The following NSUN2 variants were observed in gnomAD, a reference collection of about 807,000 sequenced individuals.
NSUN2 encodes NOP2/Sun RNA methyltransferase 2, also known as RNA cytosine C(5)-methyltransferase NSUN2.
NSUN2 carries 63 observed loss-of-function variants against 92.7 expected under a neutral mutation model. That is an observed-to-expected ratio of 0.68 (90% CI 0.56 to 0.84). NSUN2 has a LOEUF of 0.84. NSUN2 is among the 40% of genes least tolerant of loss of function. The pLI, the probability that NSUN2 is intolerant of heterozygous loss-of-function variation, is 0.00. For synonymous variants in NSUN2, 356 were observed against 348.3 expected (o/e 1.02, Z -0.25); for missense variants, 989 against 964.9 (o/e 1.02, Z -0.33).
intron 18 of NSUN2, among the ~76,000 whole-genome samples, chr5:6,601,425 A>AG (rs1274100042): frequency 2.0e-5 from 3 of 151,828 alleles, no homozygotes; most frequent in Non-Finnish European, 4.4e-5. Flanking sequence ...GCAGGTCCCC[A>AG]GGGTGCTCAT....
chr5:6,610,690 A>C (rs1362360668), intron 11 of NSUN2, among the ~76,000 whole-genome samples: 2 of 152,046 alleles, frequency 1.3e-5, no homozygotes, highest in Admixed American at 6.5e-5. Flanking sequence ...TCTCAAAAAA[A>C]AAAAAAAAAA....
At position 6,604,823 on chromosome 5, in the gene NSUN2, T is replaced by A. The variant is rs376599661; in HGVS notation, c.1738-138A>T. On this transcript the variant is annotated intron_variant, in intron 15 of 18. Transcript: ENST00000264670. ...CAGAAACCCACCGAGAAACCCCGGT[T>A]AAGAACGAACTGATACTCACAACTT... 2.0e-4 allele frequency: 135 copies of A among 678,516 alleles called. No individual in the cohort carries two copies. The East Asian group carries it at 2.3e-3, about 12-fold the overall frequency. 42.0% of individuals were successfully genotyped at this position (678,516 alleles called of 1,614,324 possible). A position where few individuals can be genotyped will look rare whatever the true frequency, so the allele number is the denominator to read the frequency against.
intron 15 of NSUN2, chr5:6,604,943 G>T: frequency 1.7e-6 from 1 of 598,798 alleles, no homozygotes; most frequent in South Asian, 2.0e-5. Flanking sequence ...CAAATCCCAA[G>T]GGTCGGGGCA....
At chr5:6,609,276 T>G (rs1165894707) in intron 12 of NSUN2, among the ~76,000 whole-genome samples, 64 of 152,156 alleles carry the variant, frequency 4.2e-4, no homozygotes, top group Non-Finnish European at 4.4e-5. Flanking sequence ...GGACTGCGTG[T>G]TAGGATGAGG....
chr5:6,601,760 C>A (rs1736566169), intron 18 of NSUN2, among the ~76,000 whole-genome samples: 2 of 152,156 alleles, frequency 1.3e-5, no homozygotes, highest in South Asian at 4.1e-4. Flanking sequence ...ATTCACTCCC[C>A]CAAATCCCAG....
At chr5:6,604,860 G>A (rs1476211355) in intron 15 of NSUN2, 175 bp from the exon 16 acceptor site, 16 of 624,904 alleles carry the variant, frequency 2.6e-5, no homozygotes, top group South Asian at 2.0e-4. Context: ...TGATTACGTC[G>A]TTTGGAGGAC....
intron 3 of NSUN2, among the ~76,000 whole-genome samples, chr5:6,628,829 G>A (rs1579380830): frequency 6.6e-6 from 1 of 152,158 alleles, no homozygotes; most frequent in Admixed American, 6.5e-5. Flanking sequence ...GATTGCTTGA[G>A]CCCTGGAATG....
rs755613905 is a variant in NSUN2 at position 6,631,952 on chromosome 5, A to C, written c.280T>G (p.Leu94Val). The stretch of plus-strand genomic sequence containing the variant: ...AATTCCTTAAAATATTTGTTCTTTA[A>C]GCAATGGAGAATCTCTTTTGCGTGG... ...KSHAKEILHC[L>V]KNKYFKELED... The change falls in exon 3 of 19, where the codon TTA becomes GTA. Residue 94 changes from leucine to valine, a missense_variant. Leu to Val is a conservative substitution (Grantham distance 32). This residue lies in a region of NSUN2 where 356 missense variants were observed against 338.6 expected (regional missense o/e 1.05). Coordinates refer to ENST00000264670, the MANE Select transcript of NSUN2 (RefSeq NM_017755.6). The C allele has an allele frequency of 1.2e-6, 2 of 1,613,446 alleles. No individual in the cohort carries two copies. Among genetic ancestry groups the C allele is most frequent in the East Asian group, 4.5e-5 (2 of 44,880 alleles).
At position 6,606,854 on chromosome 5, in the gene NSUN2, T is replaced by A. The variant is rs1736797730; in HGVS notation, c.1567A>T (p.Ile523Phe). 6.3e-7 allele frequency: 1 copy of A among 1,595,256 alleles called. No homozygotes were observed. Among genetic ancestry groups the A allele is most frequent in the Non-Finnish European group, 8.6e-7 (1 of 1,163,578 alleles). Reference sequence around the variant, plus strand: ...GGAAATAATGGGTCATCTTCAGGAATAAATACAAATGGATCTTCTTTAAAT... The same window carrying A: ...GGAAATAATGGGTCATCTTCAGGAAAAAATACAAATGGATCTTCTTTAAAT... Reference protein sequence around the residue: ...FGFKEDPFVFIPEDDPLFPPI... With the variant: ...FGFKEDPFVFFPEDDPLFPPI... The change falls in exon 14 of 19, where the codon ATT (isoleucine) becomes TTT (phenylalanine). Residue 523 changes from isoleucine (I) to phenylalanine (F), a missense_variant. Around this residue, in one of 3 missense-constraint regions of NSUN2, gnomAD observed 626 missense variants for 602.3 expected, o/e 1.04. Transcript: ENST00000264670.
In NSUN2 at chr5:6,605,312, C is replaced by T; in HGVS notation, c.1698G>A (p.Glu566=). Reference sequence around the variant, plus strand: ...TGTTATTCAGCAGCACATTCCGCAACTCCTTAGAAACCATGTAGAGCTGCC... The same window carrying T: ...TGTTATTCAGCAGCACATTCCGCAATTCCTTAGAAACCATGTAGAGCTGCC... ...KKRQLYMVSK[E]LRNVLLNNSE... is the part of the protein sequence containing the mutation. The change falls in exon 15 of 19, where the codon GAG becomes GAA. Residue 566 remains glutamate (E), a synonymous_variant. Coordinates refer to ENST00000264670, the MANE Select transcript of NSUN2 (RefSeq NM_017755.6). The T allele has an allele frequency of 6.2e-7, 1 of 1,614,246 alleles. No homozygotes were observed. The highest frequency in any genetic ancestry group is 8.5e-7 in the Non-Finnish European group (1 of 1,180,042).
chr5:6,600,969 C>T (rs371634210), intron 18 of NSUN2, among the ~76,000 whole-genome samples: 6 of 152,076 alleles, frequency 3.9e-5, no homozygotes, highest in East Asian at 1.9e-4. Context: ...CAGAGATGGA[C>T]GCCACCATTT....
intron 6 of NSUN2, chr5:6,621,807 A>G (rs1250043598): frequency 2.0e-6 from 1 of 488,390 alleles, no homozygotes; most frequent in East Asian, 3.3e-5. Context: ...TTCTAAAATA[A>G]AGCTCCCCCA....
intron 5 of NSUN2, 117 bp downstream of exon 5, chr5:6,623,097 G>T: frequency 1.4e-6 from 1 of 710,092 alleles, no homozygotes; most frequent in Non-Finnish European, 2.2e-6. Context: ...TCTATCCAAA[G>T]TGAAAAGAAG....
At position 6,605,343 on chromosome 5, in the gene NSUN2, T is replaced by G. The variant is rs1430480974; in HGVS notation, c.1667A>C (p.Lys556Thr). 1.2e-6 allele frequency: 2 copies of G among 1,614,236 alleles called. No homozygotes were observed. Among genetic ancestry groups the G allele is most frequent in the East Asian group, 4.5e-5 (2 of 44,890 alleles). Reference sequence around the variant, plus strand: ...AGAAACCATGTAGAGCTGCCTTTTCTTCCCTTCTGTAGTCCGAGTTAACAA... The same window carrying G: ...AGAAACCATGTAGAGCTGCCTTTTCGTCCCTTCTGTAGTCCGAGTTAACAA... ...MNLLTRTTEG[K>T]KRQLYMVSKE... The change falls in exon 15 of 19, where the codon AAG becomes ACG. Residue 556 changes from lysine (K) to threonine (T), a missense_variant. This residue lies in a region of NSUN2 where 626 missense variants were observed against 602.3 expected (regional missense o/e 1.04). Transcript: ENST00000264670.
chr5:6,608,339 G>A (rs1247186256), intron 12 of NSUN2, among the ~76,000 whole-genome samples: 1 of 152,140 alleles, frequency 6.6e-6, no homozygotes, highest in Non-Finnish European at 1.5e-5. Flanking sequence ...CTCATTCTGG[G>A]ACCTTCAAAT....
At chr5:6,616,574 G>A (rs1489804791) in intron 9 of NSUN2, among the ~76,000 whole-genome samples, 153 bp downstream of exon 9, 1 of 74,212 alleles carries the variant, frequency 1.3e-5, no homozygotes, top group Non-Finnish European at 3.0e-5. Context: ...GAGATGGATG[G>A]TGGTGGTGAT....
At chr5:6,601,697 G>C (rs1243659442) in intron 18 of NSUN2, among the ~76,000 whole-genome samples, 1 of 152,076 alleles carries the variant, frequency 6.6e-6, no homozygotes, top group Non-Finnish European at 1.5e-5. Flanking sequence ...GTTAGCACTG[G>C]ATCCCTGGTC....
rs763930477 is a variant in NSUN2 at position 6,620,159 on chromosome 5, G to A, written c.762C>T (p.Asp254=). ...CATAGAAGAGGATCTCTTTCCTGCC[G>A]TCCACATCTATCTGGAGCCTGGGTA... is the stretch of plus-strand genomic sequence containing the variant. ...SSIPRLQIDV[D]GRKEILFYDR... is the part of the protein sequence containing the mutation. The change falls in exon 7 of 19, where the codon GAC becomes GAT. Residue 254 remains aspartate (D), a synonymous_variant. Transcript: ENST00000264670. 9.8e-5 allele frequency: 158 copies of A among 1,611,132 alleles called. No individual in the cohort carries two copies. In the East Asian group the frequency reaches 1.2e-3, roughly 12 times the overall value.
intron 7 of NSUN2, among the ~76,000 whole-genome samples, chr5:6,619,049 A>T (rs1737327679): frequency 6.6e-6 from 1 of 152,162 alleles, no homozygotes; most frequent in Non-Finnish European, 1.5e-5. Context: ...TCTTGCTCAT[A>T]AGGTCACTGC....
Sources: allele counts gnomAD v4.1 joint callset (sites outside exome capture counted in the v4.1 genomes callset), GRCh38; gene constraint gnomAD v4.1.1; regional missense constraint gnomAD v4.1.1; transcripts MANE v1.5; gene names NCBI Gene and HGNC (gene_info 2026-07-23, HGNC 2026-07-21).